Variants in RNF14 observed in about 807,000 individuals in gnomAD.
RNF14 encodes the protein ring finger protein 14.
A neutral mutation model predicts 52.6 loss-of-function variants in RNF14; 26 were observed. The observed-to-expected ratio is 0.49, with a 90% CI of 0.36 to 0.69. The LOEUF (loss-of-function observed/expected upper bound fraction) is 0.69, where lower values mean the gene tolerates loss of function less well. Ranked by LOEUF, RNF14 falls within the 30% of genes least tolerant of loss-of-function variation. The probability of loss-of-function intolerance (pLI) is 0.00; values close to 1 mark genes in which losing one functional copy is unlikely to be tolerated. For synonymous variants in RNF14, 194 were observed against 202.0 expected (o/e 0.96, Z 0.34); for missense variants, 404 against 560.4 (o/e 0.72, Z 2.82).
intron 8 of RNF14, 68 bp downstream of exon 8, chr5:141,985,001 C>A: frequency 2.9e-6 from 4 of 1,386,070 alleles, no homozygotes; most frequent in Non-Finnish European, 4.0e-6. Context: ...ACCACAAATC[C>A]AGTGTTTTAT....
At chr5:141,963,841 A>G (rs1000697646), upstream of RNF14, among the ~76,000 whole-genome samples, 1 of 152,206 alleles carries the variant, frequency 6.6e-6, no homozygotes, top group Non-Finnish European at 1.5e-5. Flanking sequence ...CCATCGTTAC[A>G]TAAATTCTCA....
chr5:141,957,016 A>G (rs142624712), upstream of RNF14: 955 of 1,613,948 alleles, frequency 5.9e-4, 3 homozygotes, highest in Middle Eastern at 4.1e-3. The surrounding 1 kb of genome is among the most constrained non-coding windows in gnomAD (Gnocchi z 4.3). Context: ...GAAGAACTCC[A>G]CCTCCCCATT....
chr5:141,955,238 T>A, upstream of RNF14: 1 of 1,614,202 alleles, frequency 6.2e-7, no homozygotes, highest in South Asian at 1.1e-5. The surrounding 1 kb of genome is among the most constrained non-coding windows in gnomAD (Gnocchi z 5.5). Context: ...GGCTGGCCTG[T>A]GGCAGGCTGG....
At chr5:141,952,334 G>A in the RNF14 span, 2 of 152,292 alleles carry the variant, frequency 1.3e-5, no homozygotes, top group Non-Finnish European at 2.9e-5. Context: ...GAGGAAGCAG[G>A]GGGGTGGTAC....
At chr5:141,962,048 G>A (rs191998102), upstream of RNF14, among the ~76,000 whole-genome samples, 131 of 152,222 alleles carry the variant, frequency 8.6e-4, no homozygotes, top group African/African-American at 3.0e-3. Flanking sequence ...TGGTTGGACC[G>A]TCCAAGCTCA....
intron 5 of RNF14, 97 bp downstream of exon 5, chr5:141,978,927 C>G: frequency 3.0e-6 from 4 of 1,349,376 alleles, no homozygotes; most frequent in South Asian, 1.4e-5. Flanking sequence ...TGGGGCAGTC[C>G]GAGGCCTTGG....
At chr5:141,957,776 C>T, upstream of RNF14, 2 of 1,609,322 alleles carry the variant, frequency 1.2e-6, no homozygotes, top group Non-Finnish European at 1.7e-6. The surrounding 1 kb of genome is among the most constrained non-coding windows in gnomAD (Gnocchi z 4.3). Flanking sequence ...GTGGTCACCT[C>T]CTGACAATCC....
At chr5:141,959,360 G>A (rs1753235492) in intron 1 of RNF14, among the ~76,000 whole-genome samples, 1 of 152,136 alleles carries the variant, frequency 6.6e-6, no homozygotes, top group South Asian at 2.1e-4. Context: ...AATTCAGGAA[G>A]GAAGGAGGTG....
At position 141,974,886 on chromosome 5, in the gene RNF14, G is replaced by A; in HGVS notation, c.237G>A (p.Leu79=). The A allele has an allele frequency of 6.2e-7, 1 of 1,614,064 alleles. No homozygotes were observed. The highest frequency in any genetic ancestry group is 8.5e-7 in the Non-Finnish European group (1 of 1,179,956). Residue 79 remains leucine, a synonymous_variant, in exon 4 of 9, where the codon CTG becomes CTA. Transcript: ENST00000394520. ...CTCCACTTGTGCTGAACTTTGAACT[G>A]CCACCAGATTATCCATCCTCTTCCC... ...FLPPLVLNFE[L]PPDYPSSSPP...
chr5:141,970,149 A>G (rs1753617891), intron 1 of RNF14, among the ~76,000 whole-genome samples: 1 of 152,230 alleles, frequency 6.6e-6, no homozygotes, highest in Non-Finnish European at 1.5e-5. Flanking sequence ...TCCGTAGCCC[A>G]TCTATAGACC....
chr5:141,990,000 AACAAC>A lies in RNF14; in HGVS notation c.*2214_*2218del, dbSNP rs1755505330. 1 of 152,218 alleles carries A rather than the reference AACAAC, an allele frequency of 6.6e-6. No individual in the cohort carries two copies. The highest frequency in any genetic ancestry group is 1.5e-5 in the Non-Finnish European group (1 of 68,034). 9.4% of individuals were successfully genotyped at this position (152,218 alleles called of 1,614,324 possible). A position where few individuals can be genotyped will look rare whatever the true frequency, so the allele number is the denominator to read the frequency against. ...CTTTTTTCCCATTTATGATATTAAA[AACAAC>A]ACAGGTATTTGGTGTTTAGTCTCAA... On this transcript the variant is annotated 3_prime_UTR_variant, in exon 9 of 9. Coordinates refer to ENST00000394520, the MANE Select transcript of RNF14 (RefSeq NM_004290.5).
At chr5:141,983,637 T>C in intron 7 of RNF14, 85 bp downstream of exon 7, 1 of 1,212,034 alleles carries the variant, frequency 8.3e-7, no homozygotes, top group Non-Finnish European at 1.1e-6. Context: ...GTCAATTTTA[T>C]GACTTACAAA....
chr5:141,953,171 C>G, the RNF14 span: 1 of 152,196 alleles, frequency 6.6e-6, no homozygotes, highest in Admixed American at 6.5e-5. Context: ...AGCCCAGACT[C>G]GAATCAGTCA....
chr5:141,957,077 G>T (rs1029364113), upstream of RNF14: 2 of 1,614,062 alleles, frequency 1.2e-6, no homozygotes, highest in South Asian at 1.1e-5. The surrounding 1 kb of genome is among the most constrained non-coding windows in gnomAD (Gnocchi z 4.3). Context: ...AGCGTACCAG[G>T]TGCAGCATCT....
intron 7 of RNF14, among the ~76,000 whole-genome samples, chr5:141,984,526 T>C (rs1450020835): frequency 6.6e-6 from 1 of 152,260 alleles, no homozygotes; most frequent in African/African-American, 2.4e-5. Context: ...TTAATCTAAC[T>C]ACATTTTCCA....
At chr5:141,956,543 G>A (rs770605316), upstream of RNF14, 1 of 1,614,224 alleles carries the variant, frequency 6.2e-7, no homozygotes, top group Admixed American at 1.7e-5. Context: ...AAGGGCTGGA[G>A]TCCTTGGTCT....
rs371996038 is a variant in RNF14 at position 141,974,847 on chromosome 5, C to T, written c.198C>T (p.Thr66=). ...TCCAGAATAGTGGCTTTGAATACACCATTTGCTTTCTGCCTCCACTTGTGC... is the reference window on the plus strand; with the variant it reads ...TCCAGAATAGTGGCTTTGAATACACTATTTGCTTTCTGCCTCCACTTGTGC... ...ECLQNSGFEY[T]ICFLPPLVLN... Residue 66 remains threonine, a synonymous_variant, in exon 4 of 9, where the codon ACC becomes ACT. Coordinates refer to ENST00000394520, the MANE Select transcript of RNF14 (RefSeq NM_004290.5). 1 of 1,613,838 alleles carries T rather than the reference C, an allele frequency of 6.2e-7. No homozygotes were observed. Among genetic ancestry groups the T allele is most frequent in the African/African-American group, 1.3e-5 (1 of 74,900 alleles).
chr5:141,987,617 GAGA>G, intron 8 of RNF14, 113 bp from the exon 9 acceptor site: 1 of 982,990 alleles, frequency 1.0e-6, no homozygotes, highest in South Asian at 1.4e-5. Flanking sequence ...ATGATTAAAG[GAGA>G]AGAAAAGATG....
At position 141,970,849 on chromosome 5, in the gene RNF14, T is replaced by C. The variant is rs954904402; in HGVS notation, c.-35T>C. On this transcript the variant is annotated 5_prime_UTR_variant, in exon 2 of 9. Transcript: ENST00000394520. ...GCTGAAATACAGACTGCGGTGTTAA[T>C]ATCCTTTTCTTCTGATTGTTATTAA... The C allele has an allele frequency of 6.6e-6, 1 of 152,356 alleles. No individual in the cohort carries two copies. The highest frequency in any genetic ancestry group is 2.4e-5 in the African/African-American group (1 of 41,458). The allele number at this position is 152,356 out of a possible 1,614,324, so 9.4% of individuals were successfully genotyped here.
Sources: gnomAD v4.1 joint callset for allele counts (sites outside exome capture counted in the v4.1 genomes callset) on GRCh38, gnomAD v4.1.1 for gene constraint, Gnocchi (gnomAD v3.1) non-coding constraint, MANE v1.5 for transcripts, NCBI Gene and HGNC (gene_info 2026-07-23, HGNC 2026-07-21) for gene names.